ZMYM2: variants seen among roughly 807,000 people sequenced by gnomAD.
ZMYM2 encodes zinc finger MYM-type protein 2.
ZMYM2 carries 56 observed loss-of-function variants against 162.8 expected under a neutral mutation model. The ratio of observed to expected loss-of-function variants is 0.34; its 90% CI spans 0.28 to 0.43. The LOEUF is 0.43. Ranked by LOEUF, ZMYM2 falls within the 20% of genes least tolerant of loss-of-function variation. The pLI is 1.00. For synonymous variants in ZMYM2, 510 were observed against 541.6 expected (o/e 0.94, Z 0.81); for missense variants, 1,275 against 1,621.8 (o/e 0.79, Z 3.67).
intron 3 of ZMYM2, among the ~76,000 whole-genome samples, chr13:20,001,496 A>G (rs1950388038): frequency 6.6e-6 from 1 of 152,122 alleles, no homozygotes; most frequent in Non-Finnish European, 1.5e-5. Context: ...TGGTTGAGCA[A>G]ATAGAGTGGT....
At chr13:20,012,001 C>T (rs1360097688) in intron 6 of ZMYM2, among the ~76,000 whole-genome samples, 4 of 152,050 alleles carry the variant, frequency 2.6e-5, no homozygotes, top group Non-Finnish European at 4.4e-5. Context: ...CCACCTGCCT[C>T]GACCTCCCAA....
chr13:19,905,531 A>G, the ZMYM2 span, among the ~76,000 whole-genome samples: 2 of 152,106 alleles, frequency 1.3e-5, no homozygotes, highest in East Asian at 3.9e-4. Context: ...CCCCTGTCTT[A>G]ACTCACTCCA....
intron 3 of ZMYM2, among the ~76,000 whole-genome samples, chr13:19,999,449 A>G (rs1950241862): frequency 4.6e-5 from 7 of 152,130 alleles, no homozygotes; most frequent in Admixed American, 3.9e-4. Flanking sequence ...ATTGTTTTGG[A>G]TGCCACAAAC....
At chr13:19,941,984 G>A in the ZMYM2 span, among the ~76,000 whole-genome samples, 2 of 151,836 alleles carry the variant, frequency 1.3e-5, no homozygotes, top group African/African-American at 4.8e-5. Flanking sequence ...GAGCTCAAGT[G>A]ATCCTGCTGC....
the ZMYM2 span, among the ~76,000 whole-genome samples, chr13:19,884,770 C>T: frequency 1.3e-5 from 2 of 152,206 alleles, no homozygotes; most frequent in African/African-American, 4.8e-5. Context: ...CAACATAGTG[C>T]CGACGCCCCC....
At chr13:19,909,322 A>G in the ZMYM2 span, among the ~76,000 whole-genome samples, 1 of 151,812 alleles carries the variant, frequency 6.6e-6, no homozygotes, top group Non-Finnish European at 1.5e-5. Flanking sequence ...CTTTCTCATG[A>G]TTTTGTTTAA....
intron 2 of ZMYM2, among the ~76,000 whole-genome samples, chr13:19,991,841 G>C (rs1006899281): frequency 2.0e-5 from 3 of 151,638 alleles, no homozygotes; most frequent in East Asian, 3.9e-4. Flanking sequence ...TGTTGCCCAG[G>C]CTGGTCTCAA....
intron 12 of ZMYM2, among the ~76,000 whole-genome samples, chr13:20,049,048 A>G (rs893003665): frequency 2.0e-5 from 3 of 151,946 alleles, no homozygotes; most frequent in Admixed American, 1.3e-4. Context: ...TGGCCACCAT[A>G]TTTTAGCTGA....
At chr13:20,064,732 A>G (rs1007019141) in intron 19 of ZMYM2, among the ~76,000 whole-genome samples, 187 bp downstream of exon 19, 7 of 151,152 alleles carry the variant, frequency 4.6e-5, no homozygotes, top group African/African-American at 1.7e-4. Flanking sequence ...ATTTATTACT[A>G]TTTCTATTTG....
At chr13:19,980,214 G>A (rs968767739) in intron 2 of ZMYM2, among the ~76,000 whole-genome samples, 3 of 151,726 alleles carry the variant, frequency 2.0e-5, no homozygotes, top group African/African-American at 7.3e-5. Context: ...AATTTCTTTC[G>A]GTGTGAGACA....
chr13:20,062,734 G>A lies in ZMYM2; in HGVS notation c.2912-112G>A, dbSNP rs528660865. On this transcript the variant is annotated intron_variant, in intron 17 of 24. Transcript: ENST00000610343. ...GCCCTTTTCTTTTGTGACATTATAC[G>A]TATTTTTTTATATTGCATTTAAAAT... The A allele has an allele frequency of 1.9e-5, 21 of 1,091,340 alleles. No homozygotes were observed. In the African/African-American group the frequency reaches 2.1e-4, roughly 11 times the overall value. 67.6% of individuals were successfully genotyped at this position (1,091,340 alleles called of 1,614,324 possible). A position where few individuals can be genotyped will look rare whatever the true frequency, so the allele number is the denominator to read the frequency against.
intron 11 of ZMYM2, among the ~76,000 whole-genome samples, chr13:20,035,556 G>A (rs1320966758): frequency 2.6e-5 from 4 of 152,166 alleles, no homozygotes; most frequent in African/African-American, 9.7e-5. Context: ...TGAACATGCT[G>A]ATGTTGATTG....
At chr13:20,072,834 A>C (rs1252628181) in intron 21 of ZMYM2, among the ~76,000 whole-genome samples, 3 of 151,980 alleles carry the variant, frequency 2.0e-5, no homozygotes, top group African/African-American at 7.2e-5. Flanking sequence ...CAAATTTGTT[A>C]GCCTAAGTTT....
the ZMYM2 span, among the ~76,000 whole-genome samples, chr13:19,941,972 C>T: frequency 1.3e-5 from 2 of 151,866 alleles, no homozygotes; most frequent in Admixed American, 6.6e-5. Flanking sequence ...TCTCAATCTC[C>T]TGAGCTCAAG....
chr13:20,068,651 C>T (rs1307239108), intron 21 of ZMYM2, among the ~76,000 whole-genome samples: 1 of 152,022 alleles, frequency 6.6e-6, no homozygotes, highest in Non-Finnish European at 1.5e-5. Flanking sequence ...GAGGGGGAGA[C>T]TAGGAGTAGC....
At chr13:19,895,533 A>G in the ZMYM2 span, among the ~76,000 whole-genome samples, 1 of 151,924 alleles carries the variant, frequency 6.6e-6, no homozygotes, top group Non-Finnish European at 1.5e-5. Flanking sequence ...AGGGCATCAC[A>G]TGGTGAGGGA....
the ZMYM2 span, among the ~76,000 whole-genome samples, chr13:19,904,928 C>T: frequency 1.6e-4 from 24 of 151,888 alleles, no homozygotes; most frequent in Non-Finnish European, 2.6e-4. Context: ...TGTCAGTGGA[C>T]GCTTGTGTTG....
At chr13:20,002,221 T>G (rs1950446465) in intron 3 of ZMYM2, among the ~76,000 whole-genome samples, 2 of 152,266 alleles carry the variant, frequency 1.3e-5, no homozygotes, top group Non-Finnish European at 2.9e-5. Flanking sequence ...GTTAGGATTT[T>G]ATTATTATTT....
chr13:19,978,367 T>C (rs1291728180), intron 2 of ZMYM2, among the ~76,000 whole-genome samples: 1 of 152,156 alleles, frequency 6.6e-6, no homozygotes, highest in African/African-American at 2.4e-5. Flanking sequence ...TGTCATAGAT[T>C]ACATCTGTAT....
Sources: gnomAD v4.1 joint callset for allele counts (sites outside exome capture counted in the v4.1 genomes callset) on GRCh38, gnomAD v4.1.1 for gene constraint, MANE v1.5 for transcripts, NCBI Gene and HGNC (gene_info 2026-07-23, HGNC 2026-07-21) for gene names.